HPCAL1: variants seen among roughly 807,000 people sequenced by gnomAD.
HPCAL1 encodes hippocalcin-like protein 1.
In HPCAL1, 8 loss-of-function variants were observed where a neutral mutation model predicts 17.1. The observed-to-expected ratio is 0.47, with a 90% CI of 0.27 to 0.84. HPCAL1 has a LOEUF of 0.84. Among genes scored for constraint, HPCAL1 ranks in the 40% least tolerant of loss-of-function variants. The probability of loss-of-function intolerance (pLI) is 0.13; values close to 1 mark genes in which losing one functional copy is unlikely to be tolerated. For synonymous variants in HPCAL1, 112 were observed against 111.4 expected, an observed-to-expected ratio of 1.01 and a Z score of -0.03; for missense variants, 165 against 271.1, an observed-to-expected ratio of 0.61 and a Z score of 2.75.
intron 1 of HPCAL1, among the ~76,000 whole-genome samples, chr2:10,372,898 C>T (rs941547959): frequency 1.3e-5 from 2 of 152,248 alleles, no homozygotes; most frequent in Admixed American, 1.3e-4. Context: ...CTGTGGCCCC[C>T]CTCCTGCCTC....
intron 1 of HPCAL1, among the ~76,000 whole-genome samples, chr2:10,350,346 G>T (rs35645775): frequency 0.19 from 28,816 of 148,438 alleles, 3,058 homozygotes; most frequent in African/African-American, 0.24. Flanking sequence ...TTGAGGCAGG[G>T]TCTTGCTCTG....
intron 1 of HPCAL1, among the ~76,000 whole-genome samples, chr2:10,327,943 G>C (rs778054641): frequency 6.6e-6 from 1 of 152,262 alleles, no homozygotes; most frequent in Non-Finnish European, 1.5e-5. Context: ...TATATCAGAA[G>C]CTTCATGTAT....
chr2:10,353,572 T>G (rs1665958405), intron 1 of HPCAL1, among the ~76,000 whole-genome samples: 1 of 152,188 alleles, frequency 6.6e-6, no homozygotes, highest in Non-Finnish European at 1.5e-5. Context: ...TTTTTAAATT[T>G]TTTAAATTTT....
At chr2:10,320,462 A>T (rs1458058152) in intron 1 of HPCAL1, among the ~76,000 whole-genome samples, 1 of 152,168 alleles carries the variant, frequency 6.6e-6, no homozygotes, top group African/African-American at 2.4e-5. Flanking sequence ...GCCATGTAGG[A>T]CGTGCCTGCT....
chr2:10,365,589 T>C lies in HPCAL1; in HGVS notation c.-110-31246T>C, dbSNP rs1298564843. Among the ~76,000 whole-genome samples the C allele has an allele frequency of 1.3e-5, 2 of 152,062 alleles. No homozygotes were observed. The highest frequency in any genetic ancestry group is 3.9e-4 in the East Asian group (2 of 5,190). On this transcript the variant is annotated intron_variant, in intron 1 of 4. Transcript: ENST00000307845. This position sits in a 1 kb window ranked among gnomAD's most constrained non-coding sequence, Gnocchi z 4.8. ...TGGTTCCCCTTCAGCCCTGGCGTTATGATGTCCCGCCCAACCCCCGACCGC... is the reference window on the plus strand; with the variant it reads ...TGGTTCCCCTTCAGCCCTGGCGTTACGATGTCCCGCCCAACCCCCGACCGC...
At chr2:10,400,118 G>A (rs1332761750) in intron 2 of HPCAL1, among the ~76,000 whole-genome samples, 3 of 152,222 alleles carry the variant, frequency 2.0e-5, no homozygotes, top group Non-Finnish European at 4.4e-5. Flanking sequence ...GGAGGTCAGG[G>A]ACGGGCGTGC....
At position 10,359,014 on chromosome 2, in the gene HPCAL1, C is replaced by T. The variant is rs926827362; in HGVS notation, c.-110-37821C>T. 2.0e-5 allele frequency among the ~76,000 whole-genome samples: 3 copies of T among 146,862 alleles called. No individual in the cohort carries two copies. The highest frequency in any genetic ancestry group is 5.4e-5 in the African/African-American group (2 of 36,998). ...TGGGGTTGGAGCCCCACAGCCTGCC[C>T]GTCTGCATGCTCCCCTTGAGGTTTG... On this transcript the variant is annotated intron_variant, in intron 1 of 4. Coordinates refer to ENST00000307845, the MANE Select transcript of HPCAL1 (RefSeq NM_002149.4). This position sits in a 1 kb window ranked among gnomAD's most constrained non-coding sequence, Gnocchi z 4.1.
intron 4 of HPCAL1, 137 bp from the exon 5 acceptor site, chr2:10,426,587 A>G (rs1572880896): frequency 2.8e-6 from 2 of 722,402 alleles, no homozygotes; most frequent in Admixed American, 2.1e-5. Flanking sequence ...AATGGAGACT[A>G]GACACCGTCC....
intron 2 of HPCAL1, among the ~76,000 whole-genome samples, chr2:10,407,933 T>C (rs950354020): frequency 1.3e-5 from 2 of 152,126 alleles, no homozygotes; most frequent in African/African-American, 4.8e-5. Context: ...GGAAGAGCAG[T>C]TGTAGGGGCT....
chr2:10,423,110 G>A (rs55737425), intron 4 of HPCAL1, 22 bp downstream of exon 4: 421,273 of 1,536,246 alleles, frequency 0.27, 61,514 homozygotes, highest in Non-Finnish European at 0.3. Context: ...TGGGGGCGGG[G>A]CTGCATGTGT....
intron 1 of HPCAL1, among the ~76,000 whole-genome samples, chr2:10,311,332 C>T (rs892209156): frequency 3.9e-5 from 6 of 152,276 alleles, no homozygotes; most frequent in African/African-American, 9.6e-5. Context: ...TTCTTCCCAG[C>T]GAGTAAAGGT....
At chr2:10,374,466 C>T (rs556258088) in intron 1 of HPCAL1, among the ~76,000 whole-genome samples, 5 of 152,320 alleles carry the variant, frequency 3.3e-5, no homozygotes, top group Non-Finnish European at 4.4e-5. Context: ...AGGTTTACAG[C>T]GACAGCTGTT....
rs55678486 is a variant in HPCAL1, at chr2:10,395,113, AACACACACACAC to A, written c.-110-1687_-110-1676del. Among the ~76,000 whole-genome samples, 591 of 138,452 alleles carry A rather than the reference AACACACACACAC, an allele frequency of 4.3e-3. 3 individuals are homozygous for A. Among genetic ancestry groups the A allele is most frequent in the African/African-American group, 0.015 (535 of 36,706 alleles). 90.8% of individuals were successfully genotyped at this position (138,452 alleles called of 152,430 possible). ...TGTCCAGCCTAAAATCTATCTTTAA[AACACACACACAC>A]ACACACACACACACACACACACACA... On this transcript the variant is annotated intron_variant, in intron 1 of 4. Coordinates refer to ENST00000307845, the MANE Select transcript of HPCAL1 (RefSeq NM_002149.4). This position sits in a 1 kb window ranked among gnomAD's most constrained non-coding sequence, Gnocchi z 4.4.
At chr2:10,368,342 T>C (rs981498156) in intron 1 of HPCAL1, among the ~76,000 whole-genome samples, 7 of 151,666 alleles carry the variant, frequency 4.6e-5, no homozygotes, top group Non-Finnish European at 7.4e-5. Flanking sequence ...GCAGTGTGTG[T>C]AGGTTTGTGT....
chr2:10,416,935 T>C (rs2148019797), intron 2 of HPCAL1, among the ~76,000 whole-genome samples: 1 of 152,202 alleles, frequency 6.6e-6, no homozygotes, highest in East Asian at 1.9e-4. Context: ...ATTCCTCAAC[T>C]CCTCCATGAA....
At chr2:10,417,119 T>C (rs561874671) in intron 2 of HPCAL1, among the ~76,000 whole-genome samples, 2 of 151,410 alleles carry the variant, frequency 1.3e-5, no homozygotes, top group Non-Finnish European at 2.9e-5. Flanking sequence ...TCCCAGCACA[T>C]TGGGAGGCTG....
At chr2:10,414,868 C>T (rs1419478949) in intron 2 of HPCAL1, among the ~76,000 whole-genome samples, 1 of 152,212 alleles carries the variant, frequency 6.6e-6, no homozygotes, top group Non-Finnish European at 1.5e-5. Flanking sequence ...CCATTCTGCA[C>T]GTGCGCTGCT....
At chr2:10,318,926 C>A (rs972583467) in intron 1 of HPCAL1, among the ~76,000 whole-genome samples, 4 of 152,194 alleles carry the variant, frequency 2.6e-5, no homozygotes, top group Non-Finnish European at 5.9e-5. Context: ...TCTGCCGGGA[C>A]CACTGCCATG....
chr2:10,364,686 G>T (rs1666740933), intron 1 of HPCAL1, among the ~76,000 whole-genome samples: 1 of 151,830 alleles, frequency 6.6e-6, no homozygotes, highest in Admixed American at 6.6e-5. Flanking sequence ...CCCCGGCTCA[G>T]GTGATCCTCC....
Sources: allele counts gnomAD v4.1 joint callset (sites outside exome capture counted in the v4.1 genomes callset), GRCh38; gene constraint gnomAD v4.1.1; non-coding constraint Gnocchi (gnomAD v3.1); transcripts MANE v1.5; gene names NCBI Gene and HGNC (gene_info 2026-07-23, HGNC 2026-07-21).